The following CDH4 variants were observed in gnomAD, a reference collection of about 807,000 sequenced individuals.
CDH4 encodes cadherin 4.
A neutral mutation model predicts 86.0 loss-of-function variants in CDH4; 33 were observed. The observed-to-expected ratio is 0.38, with a 90% CI of 0.29 to 0.51. CDH4 has a LOEUF of 0.51. CDH4 is among the 20% of genes least tolerant of loss of function. The pLI, the probability that CDH4 is intolerant of heterozygous loss-of-function variation, is 0.86. For missense variants in CDH4, 1,114 were observed against 1,307.4 expected (o/e 0.85, Z 2.28); for synonymous variants, 555 against 549.4 (o/e 1.01, Z -0.14).
intron 2 of CDH4, among the ~76,000 whole-genome samples, chr20:61,400,707 A>C (rs890769372): frequency 3.9e-5 from 6 of 152,066 alleles, no homozygotes; most frequent in Admixed American, 3.9e-4. Context: ...GGGATGCGAG[A>C]AGCTTCTCTG....
At chr20:61,259,566 C>G (rs1330548308) in intron 2 of CDH4, among the ~76,000 whole-genome samples, 1 of 152,196 alleles carries the variant, frequency 6.6e-6, no homozygotes, top group African/African-American at 2.4e-5. Context: ...TCACAGCAGA[C>G]AGGGAGCTGC....
intron 2 of CDH4, among the ~76,000 whole-genome samples, chr20:61,732,829 C>A (rs371074975): frequency 1.3e-5 from 2 of 152,234 alleles, no homozygotes; most frequent in East Asian, 1.9e-4. Context: ...ATGAGCCCCC[C>A]ACCCCATGTC....
chr20:61,745,428 A>G (rs1325645084), intron 3 of CDH4, among the ~76,000 whole-genome samples: 1 of 152,178 alleles, frequency 6.6e-6, no homozygotes, highest in Non-Finnish European at 1.5e-5. Flanking sequence ...TTTAGGTTAG[A>G]AAAGAGAAAG....
chr20:61,439,917 T>C (rs906037401), intron 2 of CDH4, among the ~76,000 whole-genome samples: 2 of 152,258 alleles, frequency 1.3e-5, no homozygotes, highest in African/African-American at 4.8e-5. Flanking sequence ...AGACCACTCC[T>C]AAATTGAATT....
intron 2 of CDH4, among the ~76,000 whole-genome samples, chr20:61,503,611 A>C (rs1371351866): frequency 6.6e-6 from 1 of 152,214 alleles, no homozygotes; most frequent in East Asian, 1.9e-4. Flanking sequence ...ATATGTCATA[A>C]GGACATAGGT....
intron 2 of CDH4, among the ~76,000 whole-genome samples, chr20:61,548,231 C>G (rs981050891): frequency 1.3e-5 from 2 of 152,210 alleles, no homozygotes; most frequent in Admixed American, 1.3e-4. Context: ...TGTACAGTTC[C>G]GAGCAGACGG....
chr20:61,486,311 A>T (rs2085596208), intron 2 of CDH4, among the ~76,000 whole-genome samples: 1 of 152,232 alleles, frequency 6.6e-6, no homozygotes, highest in African/African-American at 2.4e-5. Flanking sequence ...GTGATGGGCC[A>T]GTGCCCAGCC....
At chr20:61,915,633 G>A (rs1004755042) in intron 9 of CDH4, among the ~76,000 whole-genome samples, 3 of 152,248 alleles carry the variant, frequency 2.0e-5, no homozygotes, top group Non-Finnish European at 4.4e-5. Context: ...TAAGTGAGAT[G>A]AGTCAGAACC....
chr20:61,687,268 G>A (rs964987200), intron 2 of CDH4, among the ~76,000 whole-genome samples: 5 of 152,212 alleles, frequency 3.3e-5, no homozygotes, highest in Non-Finnish European at 5.9e-5. Flanking sequence ...ACTGGACTGA[G>A]CTGGACAGTG....
chr20:61,427,870 A>G (rs959424964), intron 2 of CDH4, among the ~76,000 whole-genome samples: 4 of 152,114 alleles, frequency 2.6e-5, no homozygotes, highest in Non-Finnish European at 5.9e-5. Context: ...CGAGAATCAA[A>G]TGCTGTATTA....
intron 2 of CDH4, among the ~76,000 whole-genome samples, chr20:61,432,136 C>A (rs931118626): frequency 1.3e-5 from 2 of 152,146 alleles, no homozygotes; most frequent in African/African-American, 4.8e-5. Context: ...GTTCCACCTA[C>A]CTGGGGTAAA....
At chr20:61,903,518 G>A (rs1023790545) in intron 8 of CDH4, among the ~76,000 whole-genome samples, 11 of 117,180 alleles carry the variant, frequency 9.4e-5, no homozygotes, top group Admixed American at 5.9e-4. Context: ...GCACTCCAGC[G>A]TGGGCAGCAG....
At chr20:61,309,604 A>G (rs767263317) in intron 2 of CDH4, among the ~76,000 whole-genome samples, 1 of 152,232 alleles carries the variant, frequency 6.6e-6, no homozygotes, top group Non-Finnish European at 1.5e-5. Flanking sequence ...GAAATGGTTT[A>G]TAGACAAAAC....
Position 61,658,771 on chromosome 20 carries a change from C to G in CDH4, c.170-84792C>G, listed in dbSNP as rs74317710. Reference sequence around the variant, plus strand: ...AGAGCTGGGGGAAATACCACCCCCCCACTCCCAGGCAGCAACACCCACAGT... The same window carrying G: ...AGAGCTGGGGGAAATACCACCCCCCGACTCCCAGGCAGCAACACCCACAGT... On this transcript the variant is annotated intron_variant, in intron 2 of 15. Transcript: ENST00000614565. Among the ~76,000 whole-genome samples, 187 of 152,290 alleles carry G rather than the reference C, an allele frequency of 1.2e-3. 3 individuals are homozygous for G. The East Asian group carries it at 0.023, about 19-fold the overall frequency.
At chr20:61,935,504 T>C (rs2055172661) in intron 15 of CDH4, among the ~76,000 whole-genome samples, 1 of 152,150 alleles carries the variant, frequency 6.6e-6, no homozygotes, top group Admixed American at 6.5e-5. Context: ...AGGCCTGTCA[T>C]CCCAGCACTT....
intron 4 of CDH4, among the ~76,000 whole-genome samples, chr20:61,827,654 C>T (rs764263992): frequency 5.3e-5 from 8 of 152,246 alleles, no homozygotes; most frequent in Non-Finnish European, 1.0e-4. Context: ...ACCCAAGCCC[C>T]TAGGCTATGG....
chr20:61,453,433 G>A (rs978338445), intron 2 of CDH4, among the ~76,000 whole-genome samples: 4 of 152,084 alleles, frequency 2.6e-5, no homozygotes, highest in African/African-American at 7.2e-5. Context: ...AGGAAGTGAC[G>A]GGACCCCCCT....
intron 2 of CDH4, among the ~76,000 whole-genome samples, chr20:61,445,564 T>C (rs933532606): frequency 2.1e-5 from 3 of 141,230 alleles, no homozygotes; most frequent in Non-Finnish European, 3.1e-5. Flanking sequence ...CTCCTCCCCC[T>C]CTCCCCTCCC....
At chr20:61,420,438 C>T (rs527865380) in intron 2 of CDH4, among the ~76,000 whole-genome samples, 1 of 152,236 alleles carries the variant, frequency 6.6e-6, no homozygotes, top group African/African-American at 2.4e-5. Context: ...CTCCCCTCCC[C>T]ACAGGGTCCC....
Sources: gnomAD v4.1 joint callset for allele counts (sites outside exome capture counted in the v4.1 genomes callset) on GRCh38, gnomAD v4.1.1 for gene constraint, MANE v1.5 for transcripts, NCBI Gene and HGNC (gene_info 2026-07-23, HGNC 2026-07-21) for gene names.